Variants in MCPH1 observed in about 807,000 individuals in gnomAD.
MCPH1 encodes microcephalin.
Under a neutral mutation model 84.5 loss-of-function variants are expected in MCPH1, and 104 were observed. That is an observed-to-expected ratio of 1.23 (90% CI 1.05 to 1.45). The LOEUF is 1.45. Ranked by LOEUF, MCPH1 falls within the 40% of genes most tolerant of loss-of-function variation. The pLI is 0.00. For synonymous variants in MCPH1, 514 were observed against 366.8 expected (o/e 1.40, Z -4.58); for missense variants, 1,498 against 1,005.7 (o/e 1.49, Z -6.62).
rs1056185388 is a variant in MCPH1, at chr8:6,436,541, G to A, written c.436+379G>A. 7.2e-5 allele frequency among the ~76,000 whole-genome samples: 11 copies of A among 151,944 alleles called. 1 individual carries two copies. Among genetic ancestry groups the A allele is most frequent in the African/African-American group, 2.7e-4 (11 of 41,444 alleles). The stretch of plus-strand genomic sequence containing the variant: ...CATTTTTGTTTTGTTACCCTGAATA[G>A]GCAAATCTTAGATGATACATTATTT... On this transcript the variant is annotated intron_variant, in intron 5 of 13. Transcript: ENST00000344683.
chr8:6,539,503 C>T (rs746931866), intron 12 of MCPH1, among the ~76,000 whole-genome samples: 11 of 152,176 alleles, frequency 7.2e-5, no homozygotes, highest in African/African-American at 2.4e-4. Flanking sequence ...ACCACATGGA[C>T]GCCTGCCCAC....
chr8:6,587,772 C>A (rs1003909992), intron 12 of MCPH1, among the ~76,000 whole-genome samples: 80 of 152,292 alleles, frequency 5.3e-4, no homozygotes, highest in African/African-American at 1.9e-3. Context: ...TGTGGAGACC[C>A]TGTCCAGAGA....
intron 11 of MCPH1, among the ~76,000 whole-genome samples, chr8:6,494,864 T>C (rs1484420738): frequency 6.6e-6 from 1 of 152,148 alleles, no homozygotes; most frequent in African/African-American, 2.4e-5. Context: ...TGCCATTGAA[T>C]TGCACACTTT....
chr8:6,434,484 G>T (rs1007186452), intron 4 of MCPH1, among the ~76,000 whole-genome samples: 4 of 152,154 alleles, frequency 2.6e-5, no homozygotes, highest in African/African-American at 9.7e-5. Flanking sequence ...AGCAGTGCAG[G>T]CCGGTTCCAA....
At chr8:6,520,836 C>A (rs1346486932) in intron 12 of MCPH1, among the ~76,000 whole-genome samples, 1 of 152,160 alleles carries the variant, frequency 6.6e-6, no homozygotes, top group Non-Finnish European at 1.5e-5. Context: ...ATGGCCATCC[C>A]ATGGGTCTGA....
intron 9 of MCPH1, among the ~76,000 whole-genome samples, chr8:6,470,335 G>A (rs564253998): frequency 6.6e-6 from 1 of 152,126 alleles, no homozygotes; most frequent in South Asian, 2.1e-4. Flanking sequence ...CCAGGCTGGA[G>A]TGCAGTGGCG....
chr8:6,511,611 A>G (rs1217895726), intron 12 of MCPH1, among the ~76,000 whole-genome samples: 1 of 152,218 alleles, frequency 6.6e-6, no homozygotes, highest in Non-Finnish European at 1.5e-5. Flanking sequence ...TGCAGTTATG[A>G]GAAGTTTCAG....
chr8:6,553,647 C>T (rs1824068027), intron 12 of MCPH1, among the ~76,000 whole-genome samples: 1 of 151,646 alleles, frequency 6.6e-6, no homozygotes, highest in Non-Finnish European at 1.5e-5. Flanking sequence ...GAAACAAAAT[C>T]CCTGAAATGG....
chr8:6,455,328 A>T, intron 9 of MCPH1, 76 bp downstream of exon 9: 2 of 1,040,380 alleles, frequency 1.9e-6, no homozygotes, highest in Non-Finnish European at 3.0e-6. Flanking sequence ...TCAATGAAAC[A>T]TAAACCAGTC....
At chr8:6,428,229 C>G (rs1486617749) in intron 3 of MCPH1, among the ~76,000 whole-genome samples, 1 of 149,706 alleles carries the variant, frequency 6.7e-6, no homozygotes, top group Non-Finnish European at 1.5e-5. Context: ...TCAGCTTTTT[C>G]TATGTTTTAA....
intron 12 of MCPH1, among the ~76,000 whole-genome samples, chr8:6,548,950 G>A (rs1410633605): frequency 6.6e-6 from 1 of 152,174 alleles, no homozygotes; most frequent in South Asian, 2.1e-4. Flanking sequence ...ATAACCTGGG[G>A]GGAATTATGT....
rs727504012 is a variant in MCPH1, at chr8:6,431,562, C to G, written c.297C>G (p.His99Gln). ...SLFPAANMNEHLSSLIKKKRK... is the reference protein window; with the variant it reads ...SLFPAANMNEQLSSLIKKKRK... Reference sequence around the variant, plus strand: ...TCCCTGCAGCTAATATGAATGAACACTTATCAAGCCTAATTAAAAAAAAAG... The same window carrying G: ...TCCCTGCAGCTAATATGAATGAACAGTTATCAAGCCTAATTAAAAAAAAAG... The change falls in exon 4 of 14, where the codon CAC (histidine) becomes CAG (glutamine). Residue 99 changes from histidine to glutamine, a missense_variant. His to Gln is a conservative substitution (Grantham distance 24, BLOSUM62 0). Transcript: ENST00000344683. 3 of 1,611,330 alleles carry G rather than the reference C, an allele frequency of 1.9e-6. No individual in the cohort carries two copies. The highest frequency in any genetic ancestry group is 1.3e-5 in the African/African-American group (1 of 74,756).
At chr8:6,514,450 A>C (rs1815830796) in intron 12 of MCPH1, among the ~76,000 whole-genome samples, 1 of 152,122 alleles carries the variant, frequency 6.6e-6, no homozygotes, top group Admixed American at 6.5e-5. Context: ...CGGCCTCCCA[A>C]AGTGCTGGGA....
rs953870972 is a variant in MCPH1, at chr8:6,648,145, G to A, written c.*5096G>A. On this transcript the variant is annotated 3_prime_UTR_variant, in exon 14 of 14. Transcript: ENST00000344683. ...CCCAGCCAATACGTGGGCACAGAAA[G>A]GCACAGGGCATGGCTGATTCAGCCC... 1 of 152,200 alleles carries A rather than the reference G, an allele frequency of 6.6e-6. No individual in the cohort carries two copies. The highest frequency in any genetic ancestry group is 2.4e-5 in the African/African-American group (1 of 41,442). The allele number at this position is 152,200 out of a possible 1,614,324, so 9.4% of individuals were successfully genotyped here. A position where few individuals can be genotyped will look rare whatever the true frequency, so the allele number is the denominator to read the frequency against.
In MCPH1 at chr8:6,626,373, G is replaced by C; in HGVS notation, c.2452+4682G>C. The C allele has an allele frequency of 3.0e-6, 3 of 985,172 alleles. No homozygotes were observed. In the South Asian group the frequency reaches 1.4e-4, roughly 46 times the overall value. 61.0% of individuals were successfully genotyped at this position (985,172 alleles called of 1,614,324 possible). ...GATTACGTTCCCTCTTCATTCCCTGGAGTCTTTTTTCCCTGAAACTGTATT... is the reference window on the plus strand; with the variant it reads ...GATTACGTTCCCTCTTCATTCCCTGCAGTCTTTTTTCCCTGAAACTGTATT... On this transcript the variant is annotated intron_variant, in intron 13 of 13. Coordinates refer to ENST00000344683, the MANE Select transcript of MCPH1 (RefSeq NM_024596.5).
At chr8:6,540,541 T>C (rs1230637160) in intron 12 of MCPH1, among the ~76,000 whole-genome samples, 1 of 152,216 alleles carries the variant, frequency 6.6e-6, no homozygotes, top group Non-Finnish European at 1.5e-5. Context: ...TACCTGACAC[T>C]TGCACAGATT....
chr8:6,477,949 A>C (rs1808701159), intron 10 of MCPH1, among the ~76,000 whole-genome samples: 1 of 152,200 alleles, frequency 6.6e-6, no homozygotes, highest in African/African-American at 2.4e-5. Context: ...TTTCCCTTAA[A>C]GGTCTTAAAG....
intron 1 of MCPH1, 135 bp from the exon 2 acceptor site, chr8:6,409,144 C>T (rs1798180659): frequency 4.0e-6 from 3 of 756,158 alleles, no homozygotes; most frequent in African/African-American, 1.7e-5. Flanking sequence ...CTTCCGCCTC[C>T]CACAGTGCTG....
intron 12 of MCPH1, among the ~76,000 whole-genome samples, chr8:6,590,587 T>C (rs1166671786): frequency 6.6e-6 from 1 of 152,228 alleles, no homozygotes; most frequent in East Asian, 1.9e-4. Flanking sequence ...CAATTTTTGT[T>C]ATAGGGCTTG....
Sources: allele counts gnomAD v4.1 joint callset (sites outside exome capture counted in the v4.1 genomes callset), GRCh38; gene constraint gnomAD v4.1.1; transcripts MANE v1.5; gene names NCBI Gene and HGNC (gene_info 2026-07-23, HGNC 2026-07-21).